NPAS3: variants seen among roughly 807,000 people sequenced by gnomAD.
The protein encoded by NPAS3 is neuronal PAS domain protein 3, also known as neuronal PAS domain-containing protein 3.
Under a neutral mutation model 73.1 loss-of-function variants are expected in NPAS3, and 14 were observed. The ratio of observed to expected loss-of-function variants is 0.19; its 90% CI spans 0.13 to 0.30. NPAS3 has a LOEUF of 0.30. NPAS3 is among the 10% of genes least tolerant of loss of function. NPAS3 has a pLI of 1.00. For missense variants in NPAS3, 1,096 were observed against 1,250.0 expected (o/e 0.88, Z 1.86); for synonymous variants, 620 against 541.5 (o/e 1.14, Z -2.01).
At chr14:33,111,900 T>C (rs1166961004) in intron 2 of NPAS3, among the ~76,000 whole-genome samples, 1 of 149,570 alleles carries the variant, frequency 6.7e-6, no homozygotes, top group East Asian at 2.0e-4. Flanking sequence ...TTCCCACCTA[T>C]GAGTGAGAAC....
At chr14:33,487,499 A>G (rs1433309962) in intron 4 of NPAS3, among the ~76,000 whole-genome samples, 3 of 152,224 alleles carry the variant, frequency 2.0e-5, no homozygotes, top group Admixed American at 6.5e-5. Context: ...GAGATTTACA[A>G]TAGGCTAGAG....
intron 5 of NPAS3, among the ~76,000 whole-genome samples, chr14:33,588,827 A>C (rs1217237409): frequency 6.6e-6 from 1 of 152,050 alleles, no homozygotes. Context: ...ATGTTGGCCA[A>C]GCTGGTTTCG....
At chr14:33,022,823 A>G (rs1298882665) in intron 1 of NPAS3, among the ~76,000 whole-genome samples, 1 of 152,116 alleles carries the variant, frequency 6.6e-6, no homozygotes, top group Non-Finnish European at 1.5e-5. Context: ...ATTAACATTC[A>G]TCAAAATCAT....
chr14:33,481,885 CAT>C (rs1302738413), intron 4 of NPAS3, among the ~76,000 whole-genome samples: 6 of 151,786 alleles, frequency 4.0e-5, no homozygotes, highest in African/African-American at 1.5e-4. Context: ...TTTTAACAAA[CAT>C]AATGAGTTCA....
intron 3 of NPAS3, among the ~76,000 whole-genome samples, chr14:33,290,466 T>G (rs2042055463): frequency 6.6e-6 from 1 of 152,164 alleles, no homozygotes. Context: ...ATGGGATGAA[T>G]AGCATATTTA....
chr14:33,543,910 C>T (rs2054630749), intron 4 of NPAS3, among the ~76,000 whole-genome samples: 1 of 108,388 alleles, frequency 9.2e-6, no homozygotes, highest in African/African-American at 3.7e-5. Flanking sequence ...GCTGTGTGAT[C>T]TCACTTTCTT....
chr14:33,724,703 C>T (rs969987783), intron 6 of NPAS3, among the ~76,000 whole-genome samples: 4 of 151,556 alleles, frequency 2.6e-5, no homozygotes, highest in East Asian at 1.9e-4. Flanking sequence ...CAGAGAACCC[C>T]GTAAATATCG....
chr14:33,657,157 A>G (rs1328010080), intron 5 of NPAS3, among the ~76,000 whole-genome samples: 3 of 152,346 alleles, frequency 2.0e-5, no homozygotes, highest in South Asian at 2.1e-4. Context: ...AGTCAAATTC[A>G]TAGAAACAGA....
rs375166541 is a variant in NPAS3 at position 33,387,684 on chromosome 14, C to T, written c.468+20416C>T. On this transcript the variant is annotated intron_variant, in intron 4 of 11. Transcript: ENST00000356141. ...TGCCAGGGTAAGGCCTTCCAGTCCC[C>T]GGAATAAAAGATTGGAGTGGTGGTA... 2.2e-4 allele frequency among the ~76,000 whole-genome samples: 34 copies of T among 151,982 alleles called. No individual in the cohort carries two copies. In the East Asian group the frequency reaches 2.3e-3, roughly 10 times the overall value.
At chr14:33,386,206 A>G (rs2046769675) in intron 4 of NPAS3, among the ~76,000 whole-genome samples, 3 of 152,190 alleles carry the variant, frequency 2.0e-5, no homozygotes, top group African/African-American at 7.2e-5. Context: ...CAAATTTAAT[A>G]GGGACAATAA....
chr14:33,797,852 G>GTA (rs1405128434), intron 11 of NPAS3, among the ~76,000 whole-genome samples: 47 of 143,850 alleles, frequency 3.3e-4, no homozygotes, highest in African/African-American at 9.9e-4. Context: ...CTGTGTGTGT[G>GTA]TATATATATA....
intron 3 of NPAS3, among the ~76,000 whole-genome samples, chr14:33,263,803 G>A (rs985974859): frequency 1.1e-4 from 17 of 152,106 alleles, no homozygotes; most frequent in African/African-American, 4.1e-4. Flanking sequence ...TTGTTGAGCA[G>A]TGGTTTGTAG....
intron 4 of NPAS3, among the ~76,000 whole-genome samples, chr14:33,501,791 G>A (rs1359978125): frequency 6.6e-6 from 1 of 151,886 alleles, no homozygotes; most frequent in East Asian, 2.0e-4. Context: ...TAAGAGATCT[G>A]ATGTTGATTT....
At chr14:33,202,790 GA>G (rs1236405160) in intron 2 of NPAS3, among the ~76,000 whole-genome samples, 1 of 151,478 alleles carries the variant, frequency 6.6e-6, no homozygotes, top group East Asian at 1.9e-4. Flanking sequence ...ATCATGGAAA[GA>G]TGGTATCATT....
chr14:33,600,293 A>G (rs2057362077), intron 5 of NPAS3, among the ~76,000 whole-genome samples: 1 of 152,116 alleles, frequency 6.6e-6, no homozygotes, highest in African/African-American at 2.4e-5. Flanking sequence ...CCACTCCCCC[A>G]AGGTAATTAC....
At chr14:33,412,566 A>G (rs2047976454) in intron 4 of NPAS3, among the ~76,000 whole-genome samples, 1 of 152,166 alleles carries the variant, frequency 6.6e-6, no homozygotes, top group Non-Finnish European at 1.5e-5. Flanking sequence ...AGTGATATAT[A>G]TTGCCAAATT....
chr14:33,677,872 G>A (rs2059813527), intron 6 of NPAS3, among the ~76,000 whole-genome samples: 1 of 152,206 alleles, frequency 6.6e-6, no homozygotes, highest in South Asian at 2.1e-4. Flanking sequence ...TTACTGAGCA[G>A]CTATGTCAGC....
At chr14:33,661,079 C>A (rs1341309224) in intron 5 of NPAS3, among the ~76,000 whole-genome samples, 5 of 127,368 alleles carry the variant, frequency 3.9e-5, no homozygotes, top group African/African-American at 6.3e-5. Flanking sequence ...AAGCTTCAGT[C>A]AGTATGATCA....
intron 1 of NPAS3, among the ~76,000 whole-genome samples, chr14:33,000,077 A>G (rs1389533768): frequency 6.6e-6 from 1 of 152,230 alleles, no homozygotes; most frequent in South Asian, 2.1e-4. Flanking sequence ...GCACCATGCC[A>G]TATGGAGTTG....
Sources: gnomAD v4.1 joint callset for allele counts (sites outside exome capture counted in the v4.1 genomes callset) on GRCh38, gnomAD v4.1.1 for gene constraint, MANE v1.5 for transcripts, NCBI Gene and HGNC (gene_info 2026-07-23, HGNC 2026-07-21) for gene names.